ENTPD7: variants seen among roughly 807,000 people sequenced by gnomAD.
The protein encoded by ENTPD7 is NTPDase 7.
ENTPD7 carries 53 observed loss-of-function variants against 77.9 expected under a neutral mutation model. That is an observed-to-expected ratio of 0.68 (90% CI 0.55 to 0.85). The LOEUF (loss-of-function observed/expected upper bound fraction) is 0.85, where lower values mean the gene tolerates loss of function less well. Among genes scored for constraint, ENTPD7 ranks in the 40% least tolerant of loss-of-function variants. The pLI, the probability that ENTPD7 is intolerant of heterozygous loss-of-function variation, is 0.00. For synonymous variants in ENTPD7, 248 were observed against 274.9 expected (o/e 0.90, Z 0.97); for missense variants, 636 against 743.7 (o/e 0.86, Z 1.68).
rs959607481 is a variant in ENTPD7 at position 99,711,049 on chromosome 10, C to A, written c.*6366C>A. 4 of 984,884 alleles carry A rather than the reference C, an allele frequency of 4.1e-6. No homozygotes were observed. The Admixed American group carries it at 2.5e-4, about 61-fold the overall frequency. 61.0% of individuals were successfully genotyped at this position (984,884 alleles called of 1,614,324 possible). A position where few individuals can be genotyped will look rare whatever the true frequency, so the allele number is the denominator to read the frequency against. ...ATTATCCATTTTCCATTCATGCATTCACTAATTCAATATTTGATATGTGTC... is the reference window on the plus strand; with the variant it reads ...ATTATCCATTTTCCATTCATGCATTAACTAATTCAATATTTGATATGTGTC... On this transcript the variant is annotated 3_prime_UTR_variant, in exon 13 of 13. Transcript: ENST00000370489.
intron 3 of ENTPD7, among the ~76,000 whole-genome samples, chr10:99,663,503 A>G (rs2035511936): frequency 6.9e-6 from 1 of 144,702 alleles, no homozygotes; most frequent in African/African-American, 2.6e-5. Flanking sequence ...CGCATCTCCC[A>G]GGTTGGAGTG....
At chr10:99,702,484 T>G in intron 11 of ENTPD7, 28 bp from the exon 12 acceptor site, 1 of 1,509,440 alleles carries the variant, frequency 6.6e-7, no homozygotes, top group South Asian at 1.3e-5. Context: ...TTCTCTTTTT[T>G]TAAAATTTAA....
chr10:99,698,678 G>T lies in ENTPD7; in HGVS notation c.1155G>T (p.Met385Ile), dbSNP rs747900647. The T allele has an allele frequency of 6.2e-7, 1 of 1,614,210 alleles. No individual in the cohort carries two copies. The highest frequency in any genetic ancestry group is 1.1e-5 in the South Asian group (1 of 91,084). ...GAGACTGGGTGTCTTGTGGGGCAAT[G>T]CTGAGCCCCCTGCTGGCTCGCTCCA... ...GRGDWVSCGA[M>I]LSPLLARSNT... is the part of the protein sequence containing the mutation. The change falls in exon 10 of 13, where the codon ATG becomes ATT. Residue 385 changes from methionine to isoleucine, a missense_variant. By Grantham distance (10) the Met-to-Ile change is conservative (BLOSUM62 1). Coordinates refer to ENST00000370489, the MANE Select transcript of ENTPD7 (RefSeq NM_020354.5).
rs1036109867 is a variant in ENTPD7 at position 99,659,831 on chromosome 10, C to T, written c.-95-31C>T. The T allele has an allele frequency of 1.4e-6, 2 of 1,379,482 alleles. No homozygotes were observed. The highest frequency in any genetic ancestry group is 2.5e-5 in the East Asian group (1 of 40,500). The allele number at this position is 1,379,482 out of a possible 1,614,324, so 85.5% of individuals were successfully genotyped here. ...TGCAGGTTTGTCTCGTGGGCTCAGTCGGACAGAAGCCTGAAATCAAATCTT... is the reference window on the plus strand; with the variant it reads ...TGCAGGTTTGTCTCGTGGGCTCAGTTGGACAGAAGCCTGAAATCAAATCTT... On this transcript the variant is annotated intron_variant, in intron 1 of 12. Transcript: ENST00000370489. The surrounding 1 kb of genome is among the most constrained non-coding windows in gnomAD (Gnocchi z 4.1).
chr10:99,679,867 C>T lies in ENTPD7; in HGVS notation c.540C>T (p.Leu180=), dbSNP rs770790877. ...TCTGCACAGCAGGCATGAGGCTTCTCCCTGAGAGGTGAGATGCAGGGTACA... is the reference window on the plus strand; with the variant it reads ...TCTGCACAGCAGGCATGAGGCTTCTTCCTGAGAGGTGAGATGCAGGGTACA... ...YILCTAGMRL[L]PERKQLAILA... The change falls in exon 5 of 13, where the codon CTC becomes CTT. Residue 180 remains leucine, a synonymous_variant. Coordinates refer to ENST00000370489, the MANE Select transcript of ENTPD7 (RefSeq NM_020354.5). 6.2e-7 allele frequency: 1 copy of T among 1,609,668 alleles called. No individual in the cohort carries two copies.
rs1366548548 is a variant in ENTPD7 at position 99,710,871 on chromosome 10, A to C, written c.*6188A>C. 32 of 985,316 alleles carry C rather than the reference A, an allele frequency of 3.2e-5. No individual in the cohort carries two copies. Among genetic ancestry groups the C allele is most frequent in the Non-Finnish European group, 3.6e-5 (30 of 829,920 alleles). 61.0% of individuals were successfully genotyped at this position (985,316 alleles called of 1,614,324 possible). ...CAAAAAATTCTAGGTTGACTGATTA[A>C]GAAAGCCATGTGTTTTAATTTCCTT... is the stretch of plus-strand genomic sequence containing the variant. On this transcript the variant is annotated 3_prime_UTR_variant, in exon 13 of 13. Transcript: ENST00000370489.
Position 99,696,016 on chromosome 10 carries a change from G to T in ENTPD7, c.904G>T (p.Glu302Ter). Reference sequence around the variant, plus strand: ...CCTGGGCTGTGATGTGCAACACACTGAACACGTGTACAGGGTTTATGTCAC... The same window carrying T: ...CCTGGGCTGTGATGTGCAACACACTTAACACGTGTACAGGGTTTATGTCAC... ...FNLGCDVQHTEHVYRVYVTTF... is the reference protein window; with the variant it reads ...FNLGCDVQHT Residue 302 changes from glutamate (E) to a stop codon, truncating the protein, a stop_gained, in exon 9 of 13, where the codon GAA (glutamate) becomes TAA (stop). Coordinates refer to ENST00000370489, the MANE Select transcript of ENTPD7 (RefSeq NM_020354.5). LOFTEE classifies it high-confidence loss of function. 6.2e-7 allele frequency: 1 copy of T among 1,614,164 alleles called. No individual in the cohort carries two copies. The highest frequency in any genetic ancestry group is 1.1e-5 in the South Asian group (1 of 91,076).
In ENTPD7 at chr10:99,698,823, C is replaced by T. The variant is rs758101413; in HGVS notation, c.1300C>T (p.Arg434Cys). 44 of 1,609,054 alleles carry T rather than the reference C, an allele frequency of 2.7e-5. No individual in the cohort carries two copies. Among genetic ancestry groups the T allele is most frequent in the Admixed American group, 1.2e-4 (7 of 59,650 alleles). Reference protein sequence around the residue: ...CTEDVLRIGGRYHGPTFAKAA... With the variant: ...CTEDVLRIGGCYHGPTFAKAA... ...AGAGGATGTGTTGCGCATTGGTGGC[C>T]GCTACCATGGGCCAACATTTGCCAA... is the stretch of plus-strand genomic sequence containing the variant. The change falls in exon 10 of 13, where the codon CGC becomes TGC. Residue 434 changes from arginine (R) to cysteine (C), a missense_variant. Arg to Cys is a radical substitution (Grantham distance 180). Coordinates refer to ENST00000370489, the MANE Select transcript of ENTPD7 (RefSeq NM_020354.5).
intron 9 of ENTPD7, chr10:99,698,035 T>TTCTGTTCCAGCACTGC (rs2036022318): frequency 6.1e-6 from 1 of 164,286 alleles, no homozygotes; most frequent in Non-Finnish European, 1.3e-5. Flanking sequence ...GCTGTGCCTG[T>TTCTGTTCCAGCACTGC]TCTGTTCCAG....
At chr10:99,695,015 T>G (rs2035948294) in intron 8 of ENTPD7, among the ~76,000 whole-genome samples, 1 of 152,120 alleles carries the variant, frequency 6.6e-6, no homozygotes, top group Non-Finnish European at 1.5e-5. Context: ...TGGAATGAGA[T>G]TAAGTATGAA....
chr10:99,709,233 G>C lies in ENTPD7; in HGVS notation c.*4550G>C. 1.0e-6 allele frequency: 1 copy of C among 985,302 alleles called. No homozygotes were observed. The allele number at this position is 985,302 out of a possible 1,614,324, so 61.0% of individuals were successfully genotyped here. ...AATTCTTGGGCAGTTTCCAGACTCT[G>C]TTACAGAAACAGAGGGCTGTTTCTT... On this transcript the variant is annotated 3_prime_UTR_variant, in exon 13 of 13. Coordinates refer to ENST00000370489, the MANE Select transcript of ENTPD7 (RefSeq NM_020354.5).
rs527252096 is a variant in ENTPD7 at position 99,694,381 on chromosome 10, G to A, written c.844-1575G>A. On this transcript the variant is annotated intron_variant, in intron 8 of 12. Coordinates refer to ENST00000370489, the MANE Select transcript of ENTPD7 (RefSeq NM_020354.5). Reference sequence around the variant, plus strand: ...TATGGGTATTTCATTCCTTTTTAATGGCTAAACAGCATTCCATTGTATGAC... The same window carrying A: ...TATGGGTATTTCATTCCTTTTTAATAGCTAAACAGCATTCCATTGTATGAC... 8.9e-4 allele frequency among the ~76,000 whole-genome samples: 135 copies of A among 152,216 alleles called. 1 individual carries two copies. Among genetic ancestry groups the A allele is most frequent in the Non-Finnish European group, 7.2e-4 (49 of 68,024 alleles).
chr10:99,702,608 G>A lies in ENTPD7; in HGVS notation c.1518G>A (p.Val506=). 2.5e-6 allele frequency: 4 copies of A among 1,613,820 alleles called. No individual in the cohort carries two copies. The highest frequency in any genetic ancestry group is 3.4e-6 in the Non-Finnish European group (4 of 1,179,922). Reference sequence around the variant, plus strand: ...CAAACCTGCGGACAGCCCAGCTGGTGTATGACCGAGAGGTTCAGTGGACGC... The same window carrying A: ...CAAACCTGCGGACAGCCCAGCTGGTATATGACCGAGAGGTTCAGTGGACGC... ...DYPNLRTAQL[V]YDREVQWTLG... The change falls in exon 12 of 13, where the codon GTG becomes GTA. Residue 506 remains valine (V), a synonymous_variant. Transcript: ENST00000370489.
chr10:99,667,435 T>G lies in ENTPD7; in HGVS notation c.191+5807T>G, dbSNP rs180963468. ...AAGGAAAAATTATTTCCCAGTGAGA[T>G]AATAGTTTAGGTACGGTTGTATAGA... On this transcript the variant is annotated intron_variant, in intron 3 of 12. Coordinates refer to ENST00000370489, the MANE Select transcript of ENTPD7 (RefSeq NM_020354.5). Among the ~76,000 whole-genome samples the G allele has an allele frequency of 3.8e-4, 58 of 152,346 alleles. 1 individual carries two copies. The East Asian group carries it at 0.01, about 26-fold the overall frequency.
chr10:99,663,697 C>T (rs2035514650), intron 3 of ENTPD7, among the ~76,000 whole-genome samples: 1 of 152,022 alleles, frequency 6.6e-6, no homozygotes, highest in South Asian at 2.1e-4. Context: ...CTGAGCTCAA[C>T]CTATCCTCCT....
chr10:99,705,202 C>G lies in ENTPD7; in HGVS notation c.*519C>G, dbSNP rs775606623. On this transcript the variant is annotated 3_prime_UTR_variant, in exon 13 of 13. Transcript: ENST00000370489. ...AGTTCAATCGACCACATAGGAATTTCCAGGCACCAAAATGATATAACTTCC... is the reference window on the plus strand; with the variant it reads ...AGTTCAATCGACCACATAGGAATTTGCAGGCACCAAAATGATATAACTTCC... 1 of 159,130 alleles carries G rather than the reference C, an allele frequency of 6.3e-6. No homozygotes were observed. The highest frequency in any genetic ancestry group is 1.8e-4 in the East Asian group (1 of 5,450). 9.9% of individuals were successfully genotyped at this position (159,130 alleles called of 1,614,324 possible). A position where few individuals can be genotyped will look rare whatever the true frequency, so the allele number is the denominator to read the frequency against.
intron 10 of ENTPD7, 88 bp downstream of exon 10, chr10:99,698,946 T>G: frequency 8.1e-7 from 1 of 1,227,752 alleles, no homozygotes; most frequent in Non-Finnish European, 1.1e-6. Context: ...GCAAAGGGCT[T>G]TGCATACAGA....
At chr10:99,665,929 G>T (rs2035544531) in intron 3 of ENTPD7, among the ~76,000 whole-genome samples, 1 of 152,152 alleles carries the variant, frequency 6.6e-6, no homozygotes, top group Non-Finnish European at 1.5e-5. Flanking sequence ...TAAATTTGGA[G>T]ACCTAAATCC....
At position 99,704,506 on chromosome 10, in the gene ENTPD7, C is replaced by A. The variant is rs556148661; in HGVS notation, c.1638C>A (p.Ser546=). 23 of 1,614,080 alleles carry A rather than the reference C, an allele frequency of 1.4e-5. No homozygotes were observed. The highest frequency in any genetic ancestry group is 1.9e-5 in the Non-Finnish European group (23 of 1,180,048). ...CCCATGGTAGCTGGTTCCGTCTCTC[C>A]TTTGTATACAACCACTATCTCTTCT... ...RQAHGSWFRL[S]FVYNHYLFFA... The change falls in exon 13 of 13, where the codon TCC becomes TCA. Residue 546 remains serine (S), a synonymous_variant. Transcript: ENST00000370489.
Sources: allele counts gnomAD v4.1 joint callset (sites outside exome capture counted in the v4.1 genomes callset), GRCh38; gene constraint gnomAD v4.1.1; non-coding constraint Gnocchi (gnomAD v3.1); transcripts MANE v1.5; gene names NCBI Gene and HGNC (gene_info 2026-07-23, HGNC 2026-07-21).